FMN1: variants seen among roughly 807,000 people sequenced by gnomAD.
FMN1 encodes the protein formin 1.
FMN1 carries 110 observed loss-of-function variants against 132.4 expected under a neutral mutation model. The ratio of observed to expected loss-of-function variants is 0.83; its 90% confidence interval spans 0.71 to 0.97. FMN1 has a LOEUF of 0.97. FMN1 is among the 50% of genes least tolerant of loss of function. The probability of loss-of-function intolerance (pLI) is 0.00; values close to 1 mark genes in which losing one functional copy is unlikely to be tolerated. For missense variants in FMN1, 1,792 were observed against 1,705.3 expected (o/e 1.05, Z -0.90); for synonymous variants, 722 against 651.7 (o/e 1.11, Z -1.64).
At chr15:33,190,601 T>C (rs1595619877) in intron 2 of FMN1, among the ~76,000 whole-genome samples, 1 of 151,886 alleles carries the variant, frequency 6.6e-6, no homozygotes, top group Admixed American at 6.6e-5. Context: ...GCTAAAGGAG[T>C]GTTTAACAAC....
intron 10 of FMN1, among the ~76,000 whole-genome samples, chr15:32,920,513 G>C (rs145123969): frequency 6.6e-6 from 1 of 152,122 alleles, no homozygotes; most frequent in African/African-American, 2.4e-5. Context: ...GAAATAAAGG[G>C]ATAAAGGTTA....
chr15:32,973,576 AC>A (rs137961612), intron 7 of FMN1, among the ~76,000 whole-genome samples: 4 of 147,442 alleles, frequency 2.7e-5, no homozygotes, highest in Middle Eastern at 3.5e-3. Flanking sequence ...TCTGCCCCTC[AC>A]CCCCCCCAAA....
At chr15:32,793,201 C>A (rs2057153418) in intron 19 of FMN1, among the ~76,000 whole-genome samples, 1 of 152,020 alleles carries the variant, frequency 6.6e-6, no homozygotes, top group Non-Finnish European at 1.5e-5. Context: ...TTATTCATGG[C>A]ATATTTTTAA....
rs141504158 is a variant in FMN1, at chr15:32,790,773, T to C, written c.4130+8031A>G. Among the ~76,000 whole-genome samples the C allele has an allele frequency of 3.5e-3, 539 of 152,342 alleles. 4 individuals carry two copies. The highest frequency in any genetic ancestry group is 0.013 in the African/African-American group (528 of 41,578). On this transcript the variant is annotated intron_variant, in intron 19 of 20. Transcript: ENST00000616417. ...CTCTTACACCAGCCAAGATCTTCAATGCTCTTTCAATATCCAGCTGTGCGC... is the reference window on the plus strand; with the variant it reads ...CTCTTACACCAGCCAAGATCTTCAACGCTCTTTCAATATCCAGCTGTGCGC...
intron 5 of FMN1, chr15:33,067,682 G>A: frequency 6.2e-7 from 1 of 1,614,042 alleles, no homozygotes; most frequent in Non-Finnish European, 8.5e-7. Context: ...CTGCTGAGAT[G>A]TGGGATTCAC....
intron 11 of FMN1, among the ~76,000 whole-genome samples, chr15:32,909,345 G>A (rs1172964924): frequency 6.6e-6 from 1 of 152,194 alleles, no homozygotes; most frequent in African/African-American, 2.4e-5. Flanking sequence ...TGACCTCCAA[G>A]TATTCAAGTG....
At chr15:32,983,776 A>C (rs910658689) in intron 7 of FMN1, among the ~76,000 whole-genome samples, 2 of 152,156 alleles carry the variant, frequency 1.3e-5, no homozygotes, top group Non-Finnish European at 2.9e-5. Context: ...TCTTGAGGTA[A>C]AAGTTTAACC....
intron 5 of FMN1, among the ~76,000 whole-genome samples, chr15:33,076,005 T>C (rs1375051542): frequency 6.6e-6 from 1 of 152,234 alleles, no homozygotes; most frequent in Non-Finnish European, 1.5e-5. Context: ...ACTGGGTTGT[T>C]CCACCAACCA....
At chr15:32,803,583 G>A (rs1048697851) in intron 18 of FMN1, among the ~76,000 whole-genome samples, 8 of 152,026 alleles carry the variant, frequency 5.3e-5, no homozygotes, top group African/African-American at 1.7e-4. Flanking sequence ...ACGCTGTATG[G>A]GCATATGGAC....
chr15:33,021,078 C>G (rs748992736), intron 6 of FMN1, among the ~76,000 whole-genome samples: 2 of 152,120 alleles, frequency 1.3e-5, no homozygotes, highest in Non-Finnish European at 2.9e-5. Flanking sequence ...GACTTGCCTC[C>G]GGTACTCCTG....
intron 17 of FMN1, among the ~76,000 whole-genome samples, chr15:32,812,688 T>C (rs2057923151): frequency 6.6e-6 from 1 of 152,226 alleles, no homozygotes; most frequent in African/African-American, 2.4e-5. Flanking sequence ...TTGGAGCATT[T>C]TGCATTTTGG....
intron 5 of FMN1, among the ~76,000 whole-genome samples, chr15:33,069,454 G>C (rs1475494684): frequency 6.6e-6 from 1 of 152,188 alleles, no homozygotes; most frequent in Non-Finnish European, 1.5e-5. Flanking sequence ...CAAGAAGATT[G>C]TGGTCAAGTG....
chr15:33,046,684 A>G lies in FMN1; in HGVS notation c.2161+18273T>C, dbSNP rs908716736. Reference sequence around the variant, plus strand: ...AGGGTTGCTGGGCTCTCTTAGGGAAAGAGAACCCAGAAACCTGACATACTG... The same window carrying G: ...AGGGTTGCTGGGCTCTCTTAGGGAAGGAGAACCCAGAAACCTGACATACTG... On this transcript the variant is annotated intron_variant, in intron 6 of 20. Transcript: ENST00000616417. 2.6e-5 allele frequency among the ~76,000 whole-genome samples: 4 copies of G among 152,198 alleles called. 1 individual carries two copies. The highest frequency in any genetic ancestry group is 5.9e-5 in the Non-Finnish European group (4 of 68,044).
intron 3 of FMN1, among the ~76,000 whole-genome samples, chr15:33,170,191 T>C (rs998882789): frequency 4.6e-5 from 7 of 152,044 alleles, no homozygotes; most frequent in African/African-American, 1.7e-4. Flanking sequence ...CAATATACAG[T>C]GCTGGGAAAA....
intron 19 of FMN1, among the ~76,000 whole-genome samples, chr15:32,784,294 G>A (rs1285247145): frequency 6.6e-6 from 1 of 152,162 alleles, no homozygotes; most frequent in African/African-American, 2.4e-5. Flanking sequence ...ATGTTGGCAA[G>A]CTCTGCTTCA....
chr15:32,901,572 T>G (rs2060297328), intron 13 of FMN1, among the ~76,000 whole-genome samples: 1 of 152,228 alleles, frequency 6.6e-6, no homozygotes, highest in Non-Finnish European at 1.5e-5. Flanking sequence ...GCAAAATCTC[T>G]TCTGCAATCC....
chr15:33,182,143 T>C (rs1347397030), intron 2 of FMN1, among the ~76,000 whole-genome samples: 1 of 152,164 alleles, frequency 6.6e-6, no homozygotes, highest in Non-Finnish European at 1.5e-5. Flanking sequence ...GCTGGAATCA[T>C]TGGAAGTACA....
chr15:32,929,377 C>G (rs1156292739), intron 9 of FMN1, among the ~76,000 whole-genome samples: 1 of 152,190 alleles, frequency 6.6e-6, no homozygotes, highest in African/African-American at 2.4e-5. Flanking sequence ...TTAGTCTCTT[C>G]GTCTTTTTTT....
chr15:32,840,302 G>A lies in FMN1; in HGVS notation c.3928+16713C>T, dbSNP rs114342811. On this transcript the variant is annotated intron_variant, in intron 17 of 20. Coordinates refer to ENST00000616417, the MANE Select transcript of FMN1 (RefSeq NM_001277313.2). Reference sequence around the variant, plus strand: ...AAGAAATGGCTTTTTTTCTGGAGAGGAGTGAGGACTAAGTCACTTCAAGGA... The same window carrying A: ...AAGAAATGGCTTTTTTTCTGGAGAGAAGTGAGGACTAAGTCACTTCAAGGA... 5.4e-3 allele frequency among the ~76,000 whole-genome samples: 816 copies of A among 152,276 alleles called. 4 individuals carry two copies. Among genetic ancestry groups the A allele is most frequent in the African/African-American group, 0.018 (751 of 41,538 alleles).
Sources: allele counts gnomAD v4.1 joint callset (sites outside exome capture counted in the v4.1 genomes callset), GRCh38; gene constraint gnomAD v4.1.1; transcripts MANE v1.5; gene names NCBI Gene and HGNC (gene_info 2026-07-23, HGNC 2026-07-21).